KCNA2: variants seen among roughly 807,000 people sequenced by gnomAD.
KCNA2 encodes potassium voltage-gated channel subfamily A member 2.
A neutral mutation model predicts 33.4 loss-of-function variants in KCNA2; 11 were observed. That is an observed-to-expected ratio of 0.33 (90% CI 0.21 to 0.55). The LOEUF is 0.55. Among genes scored for constraint, KCNA2 ranks in the 20% least tolerant of loss-of-function variants. The probability of loss-of-function intolerance (pLI) is 0.93; values close to 1 mark genes in which losing one functional copy is unlikely to be tolerated. For synonymous variants in KCNA2, 222 were observed against 231.3 expected (o/e 0.96, Z 0.37); for missense variants, 291 against 621.6 (o/e 0.47, Z 5.66).
upstream of KCNA2, among the ~76,000 whole-genome samples, chr1:110,608,711 A>G (rs1649763962): frequency 1.3e-5 from 2 of 152,202 alleles, no homozygotes; most frequent in African/African-American, 4.8e-5. Context: ...TTAGTGTCCC[A>G]GTCAGTGAAC....
rs1302935129 is a variant in KCNA2 at position 110,601,819 on chromosome 1, T to TGC, written c.*1463_*1464insGC. The TGC allele has an allele frequency of 7.6e-7, 1 of 1,319,280 alleles. No homozygotes were observed. The highest frequency in any genetic ancestry group is 3.0e-5 in the East Asian group (1 of 33,730). The allele number at this position is 1,319,280 out of a possible 1,614,324, so 81.7% of individuals were successfully genotyped here. A position where few individuals can be genotyped will look rare whatever the true frequency, so the allele number is the denominator to read the frequency against. Reference sequence around the variant, plus strand: ...ATGTGTGTGTGTGTGTGTGTGTGTGTGTGTGTGTGTATACATATACACACA... The same window carrying TGC: ...ATGTGTGTGTGTGTGTGTGTGTGTGTGCGTGTGTGTGTATACATATACACACA... On this transcript the variant is annotated 3_prime_UTR_variant, in exon 3 of 3. Coordinates refer to ENST00000316361, the MANE Select transcript of KCNA2 (RefSeq NM_004974.4).
At chr1:110,621,104 C>G (rs537309177) in intron 1 of KCNA2, among the ~76,000 whole-genome samples, 231 of 152,328 alleles carry the variant, frequency 1.5e-3, no homozygotes, top group Non-Finnish European at 2.3e-3. Context: ...CAACCAATCT[C>G]TGGGGATTCC....
intron 1 of KCNA2, among the ~76,000 whole-genome samples, chr1:110,617,056 G>C (rs545503088): frequency 6.6e-6 from 1 of 152,310 alleles, no homozygotes; most frequent in Non-Finnish European, 1.5e-5. Flanking sequence ...AGTGAAGCTT[G>C]GGCATTCTTC....
intron 1 of KCNA2, among the ~76,000 whole-genome samples, chr1:110,626,286 T>C (rs577389992): frequency 6.6e-6 from 1 of 152,040 alleles, no homozygotes; most frequent in Non-Finnish European, 1.5e-5. Context: ...GAAGCAGGAG[T>C]ATTTCTATGT....
chr1:110,630,165 G>T (rs993697397), intron 1 of KCNA2, among the ~76,000 whole-genome samples: 1 of 151,876 alleles, frequency 6.6e-6, no homozygotes, highest in Non-Finnish European at 1.5e-5. Flanking sequence ...ACAGGCATGC[G>T]CCACCATGCC....
chr1:110,630,306 C>T (rs1040875621), intron 1 of KCNA2, among the ~76,000 whole-genome samples: 1 of 152,052 alleles, frequency 6.6e-6, no homozygotes, highest in African/African-American at 2.4e-5. Context: ...CAGGTGTGAG[C>T]CACCACACCC....
At chr1:110,614,374 A>C (rs987566530) in intron 1 of KCNA2, among the ~76,000 whole-genome samples, 23 of 152,216 alleles carry the variant, frequency 1.5e-4, no homozygotes, top group African/African-American at 5.1e-4. Flanking sequence ...TTTTTGCTTC[A>C]TAAAAGTAGC....
At chr1:110,607,340 G>C (rs540379245), upstream of KCNA2, 1 of 151,000 alleles carries the variant, frequency 6.6e-6, no homozygotes, top group Non-Finnish European at 1.5e-5. Flanking sequence ...GGGTGCGGGC[G>C]GCCAGCCGGG....
chr1:110,630,341 C>G (rs1650519850), intron 1 of KCNA2, among the ~76,000 whole-genome samples: 1 of 152,138 alleles, frequency 6.6e-6, no homozygotes, highest in Admixed American at 6.5e-5. Context: ...ACTTTTTCTC[C>G]TTTTTAGGAT....
At chr1:110,612,861 T>C in intron 1 of KCNA2, among the ~76,000 whole-genome samples, 1 of 152,212 alleles carries the variant, frequency 6.6e-6, no homozygotes, top group African/African-American at 2.4e-5. Flanking sequence ...CTAACTGGCT[T>C]AAAACAGACA....
chr1:110,630,152 A>G (rs1570771997), intron 1 of KCNA2, among the ~76,000 whole-genome samples: 1 of 151,536 alleles, frequency 6.6e-6, no homozygotes, highest in East Asian at 1.9e-4. Context: ...AGTAGCTGGG[A>G]TTACAGGCAT....
chr1:110,600,673 G>C lies in KCNA2; in HGVS notation c.*2610C>G. ...TGATAAGATATCTATCCCTGACCTA[G>C]GCCTCAGATATGGGTTGCTTTACCT... is the stretch of plus-strand genomic sequence containing the variant. On this transcript the variant is annotated 3_prime_UTR_variant, in exon 3 of 3. Coordinates refer to ENST00000316361, the MANE Select transcript of KCNA2 (RefSeq NM_004974.4). 1.0e-6 allele frequency: 1 copy of C among 985,392 alleles called. No homozygotes were observed. The highest frequency in any genetic ancestry group is 4.7e-5 in the South Asian group (1 of 21,280). The allele number at this position is 985,392 out of a possible 1,614,324, so 61.0% of individuals were successfully genotyped here.
Position 110,597,312 on chromosome 1 carries a change from G to C in KCNA2, c.*5971C>G, listed in dbSNP as rs1649136718. 1.0e-6 allele frequency: 1 copy of C among 985,440 alleles called. No homozygotes were observed. Among genetic ancestry groups the C allele is most frequent in the African/African-American group, 1.7e-5 (1 of 57,344 alleles). 61.0% of individuals were successfully genotyped at this position (985,440 alleles called of 1,614,324 possible). A position where few individuals can be genotyped will look rare whatever the true frequency, so the allele number is the denominator to read the frequency against. ...GAAATGATCTTCTGTAATGGCTCAG[G>C]ATGCTTTATTCTTATCTATTGGGAA... On this transcript the variant is annotated 3_prime_UTR_variant, in exon 3 of 3. Transcript: ENST00000316361.
chr1:110,603,892 C>A lies in KCNA2; in HGVS notation c.891G>T (p.Arg297=), dbSNP rs538914802. Residue 297 remains arginine (R), a synonymous_variant, in exon 3 of 3, where the codon CGG becomes CGT. Transcript: ENST00000316361. The surrounding 1 kb of genome is among the most constrained non-coding windows in gnomAD (Gnocchi z 5.7). ...TGAAAATCCTAAAGACTCTTACCAA[C>A]CGGATGACACGGAGGATGGCCAGTG... The part of the protein sequence containing the change: ...AMSLAILRVI[R]LVRVFRIFKL... 1.2e-4 allele frequency: 198 copies of A among 1,614,184 alleles called. 2 individuals carry two copies. In the South Asian group the frequency reaches 1.3e-3, roughly 10 times the overall value.
rs1649051741 is a variant in KCNA2 at position 110,595,371 on chromosome 1, C to G, written c.*7912G>C. 1.0e-6 allele frequency: 1 copy of G among 985,312 alleles called. No individual in the cohort carries two copies. The highest frequency in any genetic ancestry group is 1.2e-6 in the Non-Finnish European group (1 of 829,946). The allele number at this position is 985,312 out of a possible 1,614,324, so 61.0% of individuals were successfully genotyped here. A position where few individuals can be genotyped will look rare whatever the true frequency, so the allele number is the denominator to read the frequency against. ...CCATCCAGACAGGCCACCTCAACTG[C>G]CTCAGTGCACCAGCTGGTCATGTCA... On this transcript the variant is annotated 3_prime_UTR_variant, in exon 3 of 3. Coordinates refer to ENST00000316361, the MANE Select transcript of KCNA2 (RefSeq NM_004974.4).
intron 1 of KCNA2, among the ~76,000 whole-genome samples, chr1:110,627,371 A>G (rs1650424164): frequency 6.6e-6 from 1 of 152,222 alleles, no homozygotes; most frequent in Admixed American, 6.5e-5. Context: ...GGCTAGTCAC[A>G]AAGTCCTTAT....
chr1:110,617,461 T>C (rs1650103417), intron 1 of KCNA2, among the ~76,000 whole-genome samples: 1 of 152,074 alleles, frequency 6.6e-6, no homozygotes, highest in East Asian at 1.9e-4. Flanking sequence ...CCATTGAGAG[T>C]TCTGAGTGGG....
At position 110,604,099 on chromosome 1, in the gene KCNA2, G is replaced by A. The variant is rs187014361; in HGVS notation, c.684C>T (p.Leu228=). Residue 228 remains leucine, a synonymous_variant, in exon 3 of 3, where the codon CTC becomes CTT. Coordinates refer to ENST00000316361, the MANE Select transcript of KCNA2 (RefSeq NM_004974.4). The surrounding 1 kb of genome is among the most constrained non-coding windows in gnomAD (Gnocchi z 7.6). ...FTDPFFIVET[L]CIIWFSFEFL... Reference sequence around the variant, plus strand: ...ATTCAAAGGAGAACCAGATGATGCAGAGTGTCTCTACAATGAAGAAAGGGT... The same window carrying A: ...ATTCAAAGGAGAACCAGATGATGCAAAGTGTCTCTACAATGAAGAAAGGGT... 11 of 1,614,182 alleles carry A rather than the reference G, an allele frequency of 6.8e-6. No homozygotes were observed. In the East Asian group the frequency reaches 8.9e-5, roughly 13 times the overall value.
At chr1:110,605,024 A>G (rs1248647012) in intron 2 of KCNA2, 79 bp from the exon 3 acceptor site, 1 of 524,886 alleles carries the variant, frequency 1.9e-6, no homozygotes, top group African/African-American at 1.9e-5. Context: ...TTTGTCTCCC[A>G]TCTCTCAGCC....
Sources: allele counts gnomAD v4.1 joint callset (sites outside exome capture counted in the v4.1 genomes callset), GRCh38; gene constraint gnomAD v4.1.1; non-coding constraint Gnocchi (gnomAD v3.1); transcripts MANE v1.5; gene names NCBI Gene and HGNC (gene_info 2026-07-23, HGNC 2026-07-21).